DGKB: variants seen among roughly 807,000 people sequenced by gnomAD.
DGKB encodes the protein diacylglycerol kinase beta.
Under a neutral mutation model 114.3 loss-of-function variants are expected in DGKB, and 67 were observed. That is an observed-to-expected ratio of 0.59 (90% CI 0.48 to 0.72). The LOEUF (loss-of-function observed/expected upper bound fraction) is 0.72, where lower values mean the gene tolerates loss of function less well. Among genes scored for constraint, DGKB ranks in the 30% least tolerant of loss-of-function variants. The probability of loss-of-function intolerance (pLI) is 0.00; values close to 1 mark genes in which losing one functional copy is unlikely to be tolerated. For synonymous variants in DGKB, 398 were observed against 323.1 expected (o/e 1.23, Z -2.49); for missense variants, 907 against 975.2 (o/e 0.93, Z 0.93).
At chr7:14,662,065 T>C (rs1381809241) in intron 13 of DGKB, among the ~76,000 whole-genome samples, 1 of 151,418 alleles carries the variant, frequency 6.6e-6, no homozygotes, top group East Asian at 2.0e-4. Flanking sequence ...TGGGGTGGGG[T>C]TAGGGGAGAG....
intron 23 of DGKB, among the ~76,000 whole-genome samples, chr7:14,199,114 AG>A (rs1785451825): frequency 6.6e-6 from 1 of 152,048 alleles, no homozygotes; most frequent in Admixed American, 6.6e-5. Context: ...TCAGTTACAT[AG>A]TAATTTTTTT....
At chr7:14,675,922 G>A (rs935144243) in intron 12 of DGKB, among the ~76,000 whole-genome samples, 1 of 151,916 alleles carries the variant, frequency 6.6e-6, no homozygotes, top group Non-Finnish European at 1.5e-5. Context: ...TTAGGAGTAC[G>A]GATCATTTTA....
chr7:14,429,493 C>T (rs1357574337), intron 21 of DGKB, among the ~76,000 whole-genome samples: 1 of 152,168 alleles, frequency 6.6e-6, no homozygotes, highest in Non-Finnish European at 1.5e-5. Flanking sequence ...AAATTTAATA[C>T]AGCACTCTGA....
intron 19 of DGKB, 128 bp from the exon 20 acceptor site, chr7:14,574,500 G>T: frequency 1.4e-6 from 1 of 718,916 alleles, no homozygotes; most frequent in Non-Finnish European, 2.2e-6. Context: ...AGCACATTCT[G>T]CCACCAAATG....
chr7:14,732,870 T>C (rs1361270445), intron 5 of DGKB, among the ~76,000 whole-genome samples: 1 of 152,224 alleles, frequency 6.6e-6, no homozygotes, highest in Non-Finnish European at 1.5e-5. Context: ...TTTGAATTTC[T>C]TACAAAATCA....
At chr7:14,779,730 T>C (rs925568358) in intron 2 of DGKB, among the ~76,000 whole-genome samples, 10 of 152,204 alleles carry the variant, frequency 6.6e-5, no homozygotes, top group Non-Finnish European at 1.5e-4. Flanking sequence ...GTGAGAAATA[T>C]ACATCCAACA....
intron 2 of DGKB, among the ~76,000 whole-genome samples, chr7:14,767,854 T>C (rs563618668): frequency 6.6e-5 from 10 of 152,116 alleles, no homozygotes; most frequent in African/African-American, 2.4e-4. Context: ...CATTTTATTT[T>C]TTTTAAGTTC....
intron 17 of DGKB, among the ~76,000 whole-genome samples, chr7:14,594,340 G>A (rs1254348623): frequency 6.6e-6 from 1 of 151,712 alleles, no homozygotes; most frequent in Non-Finnish European, 1.5e-5. Flanking sequence ...TGTGTGTACT[G>A]ATATGCATAT....
chr7:14,166,359 A>G (rs560176015), intron 25 of DGKB, among the ~76,000 whole-genome samples: 1 of 152,322 alleles, frequency 6.6e-6, no homozygotes, highest in Admixed American at 6.5e-5. Flanking sequence ...CAAATTGGGT[A>G]TGTTTTAAGA....
At chr7:14,890,870 A>G (rs1355727303) in intron 1 of DGKB, among the ~76,000 whole-genome samples, 1 of 104,920 alleles carries the variant, frequency 9.5e-6, no homozygotes, top group Admixed American at 1.2e-4. Context: ...AATGCCACAA[A>G]TGAAAAAAAA....
chr7:14,503,527 C>T, intron 20 of DGKB, among the ~76,000 whole-genome samples: 1 of 151,560 alleles, frequency 6.6e-6, no homozygotes, highest in East Asian at 1.9e-4. Flanking sequence ...TTGGGAGTAC[C>T]CTTGAGGCAA....
At chr7:14,875,354 G>T (rs994784179) in intron 1 of DGKB, among the ~76,000 whole-genome samples, 1 of 152,060 alleles carries the variant, frequency 6.6e-6, no homozygotes, top group Admixed American at 6.5e-5. Flanking sequence ...CTACCTGCTT[G>T]TAACTTAAAA....
intron 23 of DGKB, among the ~76,000 whole-genome samples, chr7:14,219,681 C>T (rs1789602932): frequency 6.6e-6 from 1 of 151,642 alleles, no homozygotes; most frequent in South Asian, 2.1e-4. Flanking sequence ...AGAAATAAGT[C>T]TCTATGAGAT....
chr7:14,662,170 T>G (rs13228328), intron 13 of DGKB, among the ~76,000 whole-genome samples: 12,269 of 151,398 alleles, frequency 0.081, 913 homozygotes, highest in East Asian at 0.26. Flanking sequence ...CTAACCTGCA[T>G]GTTGTGCACA....
intron 21 of DGKB, among the ~76,000 whole-genome samples, chr7:14,355,994 G>A (rs896445347): frequency 6.6e-6 from 1 of 152,064 alleles, no homozygotes; most frequent in Non-Finnish European, 1.5e-5. Context: ...CTTATTCCTG[G>A]TTTAGTCTTG....
chr7:14,365,822 C>A (rs1041036948), intron 21 of DGKB, among the ~76,000 whole-genome samples: 1 of 152,014 alleles, frequency 6.6e-6, no homozygotes, highest in African/African-American at 2.4e-5. Flanking sequence ...GTTGCTAGAG[C>A]CAATTAGTCT....
At chr7:14,857,630 T>C (rs1850376207) in intron 1 of DGKB, among the ~76,000 whole-genome samples, 1 of 152,180 alleles carries the variant, frequency 6.6e-6, no homozygotes, top group African/African-American at 2.4e-5. Flanking sequence ...AACATATTTT[T>C]ATGTGCTTTT....
chr7:14,955,358 T>G (rs1786441003), intron 1 of DGKB, among the ~76,000 whole-genome samples: 1 of 152,024 alleles, frequency 6.6e-6, no homozygotes, highest in South Asian at 2.1e-4. Context: ...TTTCAATTTC[T>G]AAAATGTTGG....
intron 20 of DGKB, among the ~76,000 whole-genome samples, chr7:14,571,874 G>C (rs1190155451): frequency 1.3e-5 from 2 of 152,086 alleles, no homozygotes; most frequent in African/African-American, 4.8e-5. Context: ...TACACCATAA[G>C]AAAGAAAGGC....
Sources: allele counts gnomAD v4.1 joint callset (sites outside exome capture counted in the v4.1 genomes callset), GRCh38; gene constraint gnomAD v4.1.1; transcripts MANE v1.5; gene names NCBI Gene and HGNC (gene_info 2026-07-23, HGNC 2026-07-21).